NXN: variants seen among roughly 807,000 people sequenced by gnomAD.
NXN encodes the protein nucleoredoxin 1.
NXN carries 16 observed loss-of-function variants against 48.6 expected under a neutral mutation model. The observed-to-expected ratio is 0.33, with a 90% CI of 0.22 to 0.50. NXN has a LOEUF of 0.50. Ranked by LOEUF, NXN falls within the 20% of genes least tolerant of loss-of-function variation. The pLI is 0.98. For synonymous variants in NXN, 281 were observed against 269.6 expected, an observed-to-expected ratio of 1.04 and a Z score of -0.41; for missense variants, 492 against 605.5, an observed-to-expected ratio of 0.81 and a Z score of 1.97.
In NXN at chr17:803,781, C is replaced by T. The variant is rs370347034; in HGVS notation, c.1026G>A (p.Glu342=). Residue 342 remains glutamate (E), a synonymous_variant, in exon 7 of 8, where the codon GAG becomes GAA. Coordinates refer to ENST00000336868, the MANE Select transcript of NXN (RefSeq NM_022463.5). ...TCGGCTGAATCAGCTGCTTGGCCGC[C>T]TCGGACTCTCCGTCATCCTCAGAAT... ...FVDSEDDGES[E]AAKQLIQPIA... 48 of 1,614,096 alleles carry T rather than the reference C, an allele frequency of 3.0e-5. No individual in the cohort carries two copies. Among genetic ancestry groups the T allele is most frequent in the Admixed American group, 5.0e-5 (3 of 60,014 alleles).
In NXN at chr17:830,715, T is replaced by C. The variant is rs568643974; in HGVS notation, c.361-4637A>G. On this transcript the variant is annotated intron_variant, in intron 1 of 7. Coordinates refer to ENST00000336868, the MANE Select transcript of NXN (RefSeq NM_022463.5). The surrounding 1 kb of genome is among the most constrained non-coding windows in gnomAD (Gnocchi z 4.2). ...CCTGATTCACAGTTTAAAAGGCCAT[T>C]TGGGGCCGGGCACGATGGCTCACGC... is the stretch of plus-strand genomic sequence containing the variant. Among the ~76,000 whole-genome samples, 19 of 152,118 alleles carry C rather than the reference T, an allele frequency of 1.2e-4. No homozygotes were observed. In the East Asian group the frequency reaches 1.7e-3, roughly 14 times the overall value.
chr17:842,181 G>A (rs1340312095), intron 1 of NXN, among the ~76,000 whole-genome samples: 2 of 151,976 alleles, frequency 1.3e-5, no homozygotes. Context: ...AATTAAACCT[G>A]CTCGACATCC....
At chr17:881,321 C>T (rs1027366542) in intron 1 of NXN, among the ~76,000 whole-genome samples, 2 of 152,256 alleles carry the variant, frequency 1.3e-5, no homozygotes, top group South Asian at 2.1e-4. Context: ...GATCTCAGCT[C>T]GCCGCAGCAC....
chr17:803,667 C>T lies in NXN; in HGVS notation c.1125+15G>A. 1 of 1,614,044 alleles carries T rather than the reference C, an allele frequency of 6.2e-7. No individual in the cohort carries two copies. Among genetic ancestry groups the T allele is most frequent in the Non-Finnish European group, 8.5e-7 (1 of 1,179,976 alleles). On this transcript the variant is annotated intron_variant, in intron 7 of 7. Coordinates refer to ENST00000336868, the MANE Select transcript of NXN (RefSeq NM_022463.5). ...GCTGAGCCAGCCCTGGGCCAAGCCT[C>T]TCCTCCGCACTCACCTCCCCGGCTA... is the stretch of plus-strand genomic sequence containing the variant.
At chr17:937,805 T>C (rs1440330630) in intron 1 of NXN, among the ~76,000 whole-genome samples, 2 of 152,240 alleles carry the variant, frequency 1.3e-5, no homozygotes, top group Non-Finnish European at 2.9e-5. Context: ...ATGATGATTA[T>C]TTTTTAAGGA....
chr17:948,692 A>G lies in NXN; in HGVS notation c.360+30627T>C, dbSNP rs528826104. ...CAAAACCTAAGACAGCTGGGTCCCA[A>G]CGCGGGGCCTCACCCCGGCCCGTCC... On this transcript the variant is annotated intron_variant, in intron 1 of 7. Coordinates refer to ENST00000336868, the MANE Select transcript of NXN (RefSeq NM_022463.5). Among the ~76,000 whole-genome samples the G allele has an allele frequency of 2.0e-3, 310 of 152,080 alleles. 2 individuals are homozygous for G. Among genetic ancestry groups the G allele is most frequent in the African/African-American group, 7.2e-3 (297 of 41,444 alleles).
chr17:804,967 G>T, intron 6 of NXN, 101 bp downstream of exon 6: 4 of 1,287,172 alleles, frequency 3.1e-6, no homozygotes, highest in Non-Finnish European at 4.4e-6. Flanking sequence ...TTGCACTGCT[G>T]GTGACAGAGA....
chr17:948,806 C>A (rs1237135279), intron 1 of NXN, among the ~76,000 whole-genome samples: 2 of 150,826 alleles, frequency 1.3e-5, no homozygotes, highest in Admixed American at 6.6e-5. Context: ...GGCCAGGGCA[C>A]GGCCTCCTCC....
intron 5 of NXN, among the ~76,000 whole-genome samples, chr17:812,651 T>C (rs1912154737): frequency 6.7e-6 from 1 of 148,466 alleles, no homozygotes; most frequent in African/African-American, 2.4e-5. Context: ...AGTGTGCATG[T>C]GTGTGACTGT....
chr17:864,074 C>G, intron 1 of NXN: 1 of 1,455,664 alleles, frequency 6.9e-7, no homozygotes, highest in Non-Finnish European at 9.0e-7. Flanking sequence ...TGAAGGGGCA[C>G]AGTTACCGTT....
chr17:889,733 A>AG (rs1338781972), intron 1 of NXN, among the ~76,000 whole-genome samples: 3 of 73,694 alleles, frequency 4.1e-5, no homozygotes, highest in African/African-American at 2.1e-4. Flanking sequence ...GAAAGAAAGA[A>AG]AGAAAGAAAG....
intron 1 of NXN, among the ~76,000 whole-genome samples, chr17:916,687 C>G (rs2068691529): frequency 6.6e-6 from 1 of 152,104 alleles, no homozygotes; most frequent in Admixed American, 6.6e-5. Flanking sequence ...GCCCGTAATC[C>G]CAGCACTTTT....
intron 5 of NXN, among the ~76,000 whole-genome samples, chr17:814,352 A>T (rs1912350531): frequency 6.6e-6 from 1 of 152,170 alleles, no homozygotes; most frequent in Admixed American, 6.6e-5. Flanking sequence ...CACCAGCAAT[A>T]CCGGCAACCC....
chr17:974,474 T>C lies in NXN; in HGVS notation c.360+4845A>G, dbSNP rs1302900876. On this transcript the variant is annotated intron_variant, in intron 1 of 7. Transcript: ENST00000336868. ...AATGAATGACTAAACTTAATGATCA[T>C]TTATCTAAACACAATAATAGCATTT... is the stretch of plus-strand genomic sequence containing the variant. Among the ~76,000 whole-genome samples, 5 of 152,028 alleles carry C rather than the reference T, an allele frequency of 3.3e-5. 1 individual carries two copies. Among genetic ancestry groups the C allele is most frequent in the Non-Finnish European group, 5.9e-5 (4 of 68,006 alleles).
intron 1 of NXN, among the ~76,000 whole-genome samples, chr17:912,813 G>C (rs191452943): frequency 6.6e-6 from 1 of 152,038 alleles, no homozygotes; most frequent in Admixed American, 6.6e-5. Context: ...AATTAGCCGG[G>C]CGTGGTGGTA....
intron 1 of NXN, among the ~76,000 whole-genome samples, chr17:903,661 G>A (rs886179229): frequency 2.6e-5 from 4 of 152,206 alleles, no homozygotes; most frequent in African/African-American, 4.8e-5. Flanking sequence ...GGGATTCCAG[G>A]CGTGAGCCAG....
chr17:955,344 T>G (rs1393828493), intron 1 of NXN, among the ~76,000 whole-genome samples: 1 of 151,130 alleles, frequency 6.6e-6, no homozygotes, highest in Non-Finnish European at 1.5e-5. Context: ...ATTTTTTATT[T>G]TTTTTAGTAG....
At chr17:853,894 G>A (rs1597665213) in intron 1 of NXN, among the ~76,000 whole-genome samples, 1 of 151,336 alleles carries the variant, frequency 6.6e-6, no homozygotes, top group East Asian at 2.0e-4. Flanking sequence ...GCTAAGTTTT[G>A]CATTTTTATT....
At chr17:937,634 C>T (rs1271401233) in intron 1 of NXN, among the ~76,000 whole-genome samples, 1 of 152,224 alleles carries the variant, frequency 6.6e-6, no homozygotes, top group Non-Finnish European at 1.5e-5. Context: ...CTCCCCAACA[C>T]ACACACTCAC....
Sources: gnomAD v4.1 joint callset for allele counts (sites outside exome capture counted in the v4.1 genomes callset) on GRCh38, gnomAD v4.1.1 for gene constraint, Gnocchi (gnomAD v3.1) non-coding constraint, MANE v1.5 for transcripts, NCBI Gene and HGNC (gene_info 2026-07-23, HGNC 2026-07-21) for gene names.